MSRA: variants seen among roughly 807,000 people sequenced by gnomAD.
The protein encoded by MSRA is methionine sulfoxide reductase A, also known as mitochondrial peptide methionine sulfoxide reductase.
MSRA carries 54 observed loss-of-function variants against 31.3 expected under a neutral mutation model. The ratio of observed to expected loss-of-function variants is 1.73; its 90% CI spans 1.39 to 2.17. The LOEUF is 2.17. Among genes scored for constraint, MSRA ranks in the 30% most tolerant of loss-of-function variants. The pLI is 0.00. For synonymous variants in MSRA, 169 were observed against 116.5 expected, an observed-to-expected ratio of 1.45 and a Z score of -2.90; for missense variants, 507 against 300.9, an observed-to-expected ratio of 1.69 and a Z score of -5.07.
chr8:10,145,431 C>T (rs559666428), intron 1 of MSRA, among the ~76,000 whole-genome samples: 46 of 152,168 alleles, frequency 3.0e-4, no homozygotes, highest in Non-Finnish European at 5.7e-4. Context: ...CTTGTTGATT[C>T]AGGCTGTGTT....
intron 1 of MSRA, among the ~76,000 whole-genome samples, chr8:10,066,380 A>G (rs1180322111): frequency 6.6e-6 from 1 of 152,226 alleles, no homozygotes; most frequent in Non-Finnish European, 1.5e-5. Context: ...CAGACCCGAG[A>G]AAGCATTCTC....
intron 5 of MSRA, among the ~76,000 whole-genome samples, chr8:10,399,702 C>T (rs189781889): frequency 1.2e-3 from 183 of 152,306 alleles, no homozygotes; most frequent in Non-Finnish European, 2.0e-3. Context: ...CAATAGGCTT[C>T]CCTGTAGCCC....
At chr8:10,118,085 C>T (rs1220666313) in intron 1 of MSRA, among the ~76,000 whole-genome samples, 2 of 152,162 alleles carry the variant, frequency 1.3e-5, no homozygotes, top group African/African-American at 4.8e-5. Flanking sequence ...TTTCTTTTCC[C>T]TGGGTGTTCA....
At chr8:10,205,207 T>C (rs1282844590) in intron 1 of MSRA, among the ~76,000 whole-genome samples, 8 of 151,942 alleles carry the variant, frequency 5.3e-5, no homozygotes, top group Admixed American at 5.2e-4. Context: ...AAGAATGAAT[T>C]GGACAAGGGA....
chr8:10,365,024 C>A (rs1285200022), intron 5 of MSRA, among the ~76,000 whole-genome samples: 1 of 151,866 alleles, frequency 6.6e-6, no homozygotes, highest in Non-Finnish European at 1.5e-5. Flanking sequence ...CTGCTTTGTC[C>A]CCACCTTTGA....
intron 5 of MSRA, among the ~76,000 whole-genome samples, chr8:10,355,122 G>A (rs573139300): frequency 3.3e-5 from 5 of 152,274 alleles, no homozygotes; most frequent in East Asian, 1.9e-4. Flanking sequence ...TGTCAGGGCC[G>A]GGTTCCGTGC....
chr8:10,358,923 G>T (rs1804676653), intron 5 of MSRA, among the ~76,000 whole-genome samples: 1 of 152,152 alleles, frequency 6.6e-6, no homozygotes, highest in Non-Finnish European at 1.5e-5. Context: ...ATTGTGAACT[G>T]CACGTGTGAG....
chr8:10,175,117 C>G (rs1274597061), intron 1 of MSRA, among the ~76,000 whole-genome samples: 1 of 152,152 alleles, frequency 6.6e-6, no homozygotes, highest in Non-Finnish European at 1.5e-5. Context: ...CTTTTCTGCA[C>G]TCACCCTCCT....
chr8:10,172,309 G>A (rs144284804), intron 1 of MSRA, among the ~76,000 whole-genome samples: 132 of 152,300 alleles, frequency 8.7e-4, no homozygotes, highest in African/African-American at 3.0e-3. Context: ...GGCCTTGGGA[G>A]GTGCTGATGG....
intron 3 of MSRA, among the ~76,000 whole-genome samples, chr8:10,289,272 C>G (rs760533711): frequency 1.3e-5 from 2 of 152,076 alleles, no homozygotes; most frequent in East Asian, 1.9e-4. Context: ...CTCGGTCTCC[C>G]AGAGTGCTGG....
chr8:10,194,757 G>C (rs1351357693), intron 1 of MSRA, among the ~76,000 whole-genome samples: 1 of 152,174 alleles, frequency 6.6e-6, no homozygotes, highest in Non-Finnish European at 1.5e-5. Flanking sequence ...TGCAGTTTAA[G>C]CATGAGGCTG....
chr8:10,078,547 G>A (rs1798114638), intron 1 of MSRA, among the ~76,000 whole-genome samples: 1 of 152,220 alleles, frequency 6.6e-6, no homozygotes, highest in Non-Finnish European at 1.5e-5. Context: ...GCTTCCTGCA[G>A]CTTGTGTGCC....
intron 1 of MSRA, among the ~76,000 whole-genome samples, chr8:10,085,249 A>G (rs1798499978): frequency 6.6e-6 from 1 of 152,074 alleles, no homozygotes; most frequent in Non-Finnish European, 1.5e-5. Context: ...TTTGTTCTTG[A>G]GAATACCCAC....
chr8:10,398,941 A>T (rs1807272557), intron 5 of MSRA, among the ~76,000 whole-genome samples: 1 of 152,172 alleles, frequency 6.6e-6, no homozygotes, highest in South Asian at 2.1e-4. Context: ...CTATCGAGAG[A>T]GGCAGATGCA....
chr8:10,186,465 C>G (rs1807062806), intron 1 of MSRA, among the ~76,000 whole-genome samples: 3 of 152,264 alleles, frequency 2.0e-5, no homozygotes, highest in East Asian at 1.9e-4. Context: ...TGAAGTACTT[C>G]TAATGGTTGT....
chr8:10,326,876 G>A (rs1017218253), intron 5 of MSRA, among the ~76,000 whole-genome samples: 4 of 152,150 alleles, frequency 2.6e-5, no homozygotes, highest in Non-Finnish European at 4.4e-5. Flanking sequence ...GGTAGAGTGA[G>A]GGTGGTTCAC....
At chr8:10,204,886 C>T (rs911421546) in intron 1 of MSRA, among the ~76,000 whole-genome samples, 2 of 152,202 alleles carry the variant, frequency 1.3e-5, no homozygotes, top group African/African-American at 2.4e-5. Flanking sequence ...GAGCTACGAC[C>T]CCTGCCCTCC....
chr8:10,122,439 G>A, intron 1 of MSRA, among the ~76,000 whole-genome samples: 1 of 152,056 alleles, frequency 6.6e-6, no homozygotes, highest in Non-Finnish European at 1.5e-5. Context: ...ACAAAACTGT[G>A]ATGTAAATGA....
chr8:10,061,375 T>A (rs1048649383), intron 1 of MSRA, among the ~76,000 whole-genome samples: 1 of 152,214 alleles, frequency 6.6e-6, no homozygotes, highest in Non-Finnish European at 1.5e-5. Flanking sequence ...AAATTTGCCC[T>A]GCTCTAATTC....
Sources: allele counts gnomAD v4.1 joint callset (sites outside exome capture counted in the v4.1 genomes callset), GRCh38; gene constraint gnomAD v4.1.1; transcripts MANE v1.5; gene names NCBI Gene and HGNC (gene_info 2026-07-23, HGNC 2026-07-21).